The following SRXN1 variants were observed in gnomAD, a reference collection of about 807,000 sequenced individuals.
SRXN1 encodes sulfiredoxin-1.
A neutral mutation model predicts 11.0 loss-of-function variants in SRXN1; 11 were observed. The ratio of observed to expected loss-of-function variants is 1.00; its 90% CI spans 0.63 to 1.65. SRXN1 has a LOEUF of 1.65. SRXN1 is among the 40% of genes most tolerant of loss of function. The pLI is 0.00. For missense variants in SRXN1, 211 were observed against 194.5 expected (o/e 1.08, Z -0.50); for synonymous variants, 106 against 92.8 (o/e 1.14, Z -0.82).
Position 649,041 on chromosome 20 carries a change from C to T in SRXN1, c.211-124G>A, listed in dbSNP as rs1271098680. ...CACACTGGACTACTGTGAGAGACAA[C>T]TGTTAATTATCAGGAATTTTGTGAG... On this transcript the variant is annotated intron_variant, in intron 1 of 1. Transcript: ENST00000381962. 6.9e-6 allele frequency: 7 copies of T among 1,009,674 alleles called. No homozygotes were observed. The East Asian group carries it at 1.3e-4, about 19-fold the overall frequency. The allele number at this position is 1,009,674 out of a possible 1,614,324, so 62.5% of individuals were successfully genotyped here.
intron 1 of SRXN1, 93 bp downstream of exon 1, chr20:652,883 C>G: frequency 1.5e-6 from 2 of 1,304,512 alleles, no homozygotes; most frequent in Non-Finnish European, 2.0e-6. Context: ...CGGAACCAGT[C>G]CGTCTCGCGT....
chr20:651,305 T>C (rs544481852), intron 1 of SRXN1, among the ~76,000 whole-genome samples: 9 of 152,300 alleles, frequency 5.9e-5, no homozygotes, highest in African/African-American at 2.2e-4. Context: ...TAACTTACAG[T>C]GGCCCCAGAA....
chr20:650,564 G>T (rs2122312359), intron 1 of SRXN1, among the ~76,000 whole-genome samples: 1 of 152,300 alleles, frequency 6.6e-6, no homozygotes, highest in South Asian at 2.1e-4. Flanking sequence ...TCCTGCTGCT[G>T]GTCCACGGGT....
rs1375836107 is a variant in SRXN1, at chr20:648,401, G to A, written c.*313C>T. 2 of 549,010 alleles carry A rather than the reference G, an allele frequency of 3.6e-6. No homozygotes were observed. The highest frequency in any genetic ancestry group is 7.0e-6 in the Non-Finnish European group (2 of 287,462). The allele number at this position is 549,010 out of a possible 1,614,324, so 34.0% of individuals were successfully genotyped here. ...TATAAGAGGTTACATAGACAAAAAT[G>A]CAGAGGGATCCTTGTCCTTGGGAAT... On this transcript the variant is annotated 3_prime_UTR_variant, in exon 2 of 2. Coordinates refer to ENST00000381962, the MANE Select transcript of SRXN1 (RefSeq NM_080725.3).
Position 648,597 on chromosome 20 carries a change from C to G in SRXN1, c.*117G>C. On this transcript the variant is annotated 3_prime_UTR_variant, in exon 2 of 2. Transcript: ENST00000381962. ...TGAGAGGGGTGCCCAGAGTCAGACCCTCTCGCCAGGTGCAAAGAGAATGCA... is the reference window on the plus strand; with the variant it reads ...TGAGAGGGGTGCCCAGAGTCAGACCGTCTCGCCAGGTGCAAAGAGAATGCA... 1 of 1,203,088 alleles carries G rather than the reference C, an allele frequency of 8.3e-7. No homozygotes were observed. Among genetic ancestry groups the G allele is most frequent in the Admixed American group, 1.8e-5 (1 of 54,528 alleles). The allele number at this position is 1,203,088 out of a possible 1,614,324, so 74.5% of individuals were successfully genotyped here.
chr20:647,123 A>G lies in SRXN1; in HGVS notation c.*1591T>C, dbSNP rs1026490583. The G allele has an allele frequency of 3.3e-5, 5 of 152,244 alleles. No individual in the cohort carries two copies. The highest frequency in any genetic ancestry group is 1.2e-4 in the African/African-American group (5 of 41,424). The allele number at this position is 152,244 out of a possible 1,614,324, so 9.4% of individuals were successfully genotyped here. A position where few individuals can be genotyped will look rare whatever the true frequency, so the allele number is the denominator to read the frequency against. ...GGAATGTCCTACCTGGCCTAACCCC[A>G]TACCAGCAGTGCAGACAAGGAGGCA... On this transcript the variant is annotated 3_prime_UTR_variant, in exon 2 of 2. Coordinates refer to ENST00000381962, the MANE Select transcript of SRXN1 (RefSeq NM_080725.3).
At chr20:651,021 G>A (rs1360635235) in intron 1 of SRXN1, among the ~76,000 whole-genome samples, 1 of 152,224 alleles carries the variant, frequency 6.6e-6, no homozygotes, top group Non-Finnish European at 1.5e-5. Context: ...CATTATCAGG[G>A]TCCTTAAAAC....
intron 1 of SRXN1, among the ~76,000 whole-genome samples, 174 bp downstream of exon 1, chr20:652,802 G>T (rs1456672745): frequency 6.6e-6 from 1 of 152,188 alleles, no homozygotes; most frequent in African/African-American, 2.4e-5. Context: ...CTCAAGTGAG[G>T]AAACAGAGGC....
At position 653,173 on chromosome 20, in the gene SRXN1, C is replaced by A; in HGVS notation, c.13G>T (p.Ala5Ser). Residue 5 changes from alanine to serine, a missense_variant, in exon 1 of 2, where the codon GCA (alanine) becomes TCA (serine). Transcript: ENST00000381962. ...CCGGCCCTGCCCAGCGTTCCTCCTGCACGCAGCCCCATCGTCGCCGCCGCC... is the reference window on the plus strand; with the variant it reads ...CCGGCCCTGCCCAGCGTTCCTCCTGAACGCAGCCCCATCGTCGCCGCCGCC... MGLR[A>S]GGTLGRAGAG... is the part of the protein sequence containing the mutation. 1 of 1,255,778 alleles carries A rather than the reference C, an allele frequency of 8.0e-7. No homozygotes were observed. Among genetic ancestry groups the A allele is most frequent in the South Asian group, 2.8e-5 (1 of 36,180 alleles). 77.8% of individuals were successfully genotyped at this position (1,255,778 alleles called of 1,614,324 possible).
chr20:650,546 G>A (rs1030808533), intron 1 of SRXN1, among the ~76,000 whole-genome samples: 1 of 152,196 alleles, frequency 6.6e-6, no homozygotes, highest in Non-Finnish European at 1.5e-5. Context: ...TGAGCGGCGT[G>A]GAAGGCCTCC....
At chr20:652,938 G>T in intron 1 of SRXN1, 38 bp downstream of exon 1, 1 of 1,381,548 alleles carries the variant, frequency 7.2e-7, no homozygotes. Context: ...CTCCTCCGAA[G>T]CCCTCCCTCC....
Position 648,524 on chromosome 20 carries a change from G to A in SRXN1, c.*190C>T, listed in dbSNP as rs1011388477. The A allele has an allele frequency of 6.0e-6, 4 of 668,946 alleles. No homozygotes were observed. The highest frequency in any genetic ancestry group is 3.6e-5 in the African/African-American group (2 of 55,822). 41.4% of individuals were successfully genotyped at this position (668,946 alleles called of 1,614,324 possible). A position where few individuals can be genotyped will look rare whatever the true frequency, so the allele number is the denominator to read the frequency against. On this transcript the variant is annotated 3_prime_UTR_variant, in exon 2 of 2. Coordinates refer to ENST00000381962, the MANE Select transcript of SRXN1 (RefSeq NM_080725.3). ...CATGATCCTATTGTCACAGAGGTGG[G>A]AACTGGGGCTCCCACACTGTACAGT...
chr20:646,952 G>C lies in SRXN1; in HGVS notation c.*1762C>G, dbSNP rs913034949. The C allele has an allele frequency of 1.3e-5, 2 of 152,192 alleles. No homozygotes were observed. The highest frequency in any genetic ancestry group is 2.9e-5 in the Non-Finnish European group (2 of 68,046). 9.4% of individuals were successfully genotyped at this position (152,192 alleles called of 1,614,324 possible). On this transcript the variant is annotated 3_prime_UTR_variant, in exon 2 of 2. Coordinates refer to ENST00000381962, the MANE Select transcript of SRXN1 (RefSeq NM_080725.3). ...TTTCCCGGGGAAAGAGAATGCATGG[G>C]AAAAGCTCTTGTCCTTATTATTGAA...
rs373119393 is a variant in SRXN1, at chr20:648,665, G to T, written c.*49C>A. On this transcript the variant is annotated 3_prime_UTR_variant, in exon 2 of 2. Transcript: ENST00000381962. ...GCATGGCCCAGCCTGCTGGAGGCCA[G>T]GTGTGTCTTCTGGGCTCTTGAAGGT... The T allele has an allele frequency of 6.2e-7, 1 of 1,602,200 alleles. No homozygotes were observed. Among genetic ancestry groups the T allele is most frequent in the South Asian group, 1.1e-5 (1 of 90,664 alleles).
In SRXN1 at chr20:648,606, G is replaced by A. The variant is rs528322652; in HGVS notation, c.*108C>T. ...TGCCCAGAGTCAGACCCTCTCGCCA[G>A]GTGCAAAGAGAATGCACCCCTGCTA... is the stretch of plus-strand genomic sequence containing the variant. On this transcript the variant is annotated 3_prime_UTR_variant, in exon 2 of 2. Transcript: ENST00000381962. 1.1e-5 allele frequency: 14 copies of A among 1,270,496 alleles called. No individual in the cohort carries two copies. In the South Asian group the frequency reaches 1.8e-4, roughly 17 times the overall value. The allele number at this position is 1,270,496 out of a possible 1,614,324, so 78.7% of individuals were successfully genotyped here.
Position 648,844 on chromosome 20 carries a change from GAGTAGA to G in SRXN1, c.278_283del (p.Phe93_Tyr94del), listed in dbSNP as rs781466642. ...CGCGTAGCGGTGGCAGCCCCCAAAG[GAGTAGA>G]AGTAGTCACCTCCCTGGGCCCCTTT... On this transcript the variant is annotated inframe_deletion, in exon 2 of 2. Coordinates refer to ENST00000381962, the MANE Select transcript of SRXN1 (RefSeq NM_080725.3). The G allele has an allele frequency of 8.1e-5, 130 of 1,614,200 alleles. No individual in the cohort carries two copies. The African/African-American group carries it at 1.5e-3, about 18-fold the overall frequency.
At chr20:650,800 G>A (rs1472814179) in intron 1 of SRXN1, among the ~76,000 whole-genome samples, 1 of 152,258 alleles carries the variant, frequency 6.6e-6, no homozygotes, top group Non-Finnish European at 1.5e-5. Context: ...CATTAGTGGA[G>A]CACTAAGGAG....
In SRXN1 at chr20:653,186, C is replaced by G. The variant is rs1169204396; in HGVS notation, c.-1G>C. ...GCGTTCCTCCTGCACGCAGCCCCAT[C>G]GTCGCCGCCGCCGCGGGACTCGCCG... On this transcript the variant is annotated 5_prime_UTR_variant, in exon 1 of 2. Coordinates refer to ENST00000381962, the MANE Select transcript of SRXN1 (RefSeq NM_080725.3). 2.0e-5 allele frequency: 25 copies of G among 1,236,248 alleles called. No individual in the cohort carries two copies. The South Asian group carries it at 6.2e-4, about 31-fold the overall frequency. The allele number at this position is 1,236,248 out of a possible 1,614,324, so 76.6% of individuals were successfully genotyped here.
intron 1 of SRXN1, among the ~76,000 whole-genome samples, chr20:650,994 C>T (rs924956383): frequency 2.6e-5 from 4 of 152,204 alleles, no homozygotes; most frequent in South Asian, 2.1e-4. Context: ...CCAAGGTTAT[C>T]TAGATGGGTC....
Sources: allele counts gnomAD v4.1 joint callset (sites outside exome capture counted in the v4.1 genomes callset), GRCh38; gene constraint gnomAD v4.1.1; transcripts MANE v1.5; gene names NCBI Gene and HGNC (gene_info 2026-07-23, HGNC 2026-07-21).